The following NKAIN2 variants were observed in gnomAD, a reference collection of about 807,000 sequenced individuals.
NKAIN2 encodes sodium/potassium-transporting ATPase subunit beta-1-interacting protein 2.
In NKAIN2, 14 loss-of-function variants were observed where a neutral mutation model predicts 32.6. The observed-to-expected ratio is 0.43, with a 90% confidence interval of 0.28 to 0.67. The LOEUF is 0.67. Ranked by LOEUF, NKAIN2 falls within the 30% of genes least tolerant of loss-of-function variation. The pLI is 0.17. For synonymous variants in NKAIN2, 80 were observed against 87.2 expected (o/e 0.92, Z 0.46); for missense variants, 198 against 258.3 (o/e 0.77, Z 1.60).
At chr6:124,139,780 A>C (rs553468808) in intron 1 of NKAIN2, among the ~76,000 whole-genome samples, 1 of 152,344 alleles carries the variant, frequency 6.6e-6, no homozygotes, top group South Asian at 2.1e-4. Context: ...AATAGGCTGA[A>C]GAATACAAGC....
intron 1 of NKAIN2, among the ~76,000 whole-genome samples, chr6:124,275,653 C>A (rs1794995791): frequency 6.6e-6 from 1 of 151,960 alleles, no homozygotes; most frequent in South Asian, 2.1e-4. Context: ...CAAGAAAGAC[C>A]CCCTCCAAAT....
chr6:124,738,318 A>G (rs1310079731), intron 4 of NKAIN2, among the ~76,000 whole-genome samples: 1 of 151,422 alleles, frequency 6.6e-6, no homozygotes, highest in Non-Finnish European at 1.5e-5. Context: ...TCCTTAGATA[A>G]TAAAATAAAA....
chr6:124,442,687 G>A (rs1181989977), intron 3 of NKAIN2, among the ~76,000 whole-genome samples: 1 of 152,064 alleles, frequency 6.6e-6, no homozygotes, highest in African/African-American at 2.4e-5. Flanking sequence ...TTCTGACATA[G>A]TGACCTCTAC....
chr6:124,110,051 G>A (rs796117182), intron 1 of NKAIN2, among the ~76,000 whole-genome samples: 2 of 150,820 alleles, frequency 1.3e-5, no homozygotes, highest in Non-Finnish European at 2.9e-5. Flanking sequence ...ATATTGGTGT[G>A]TAGTTTTCTT....
At chr6:124,635,430 C>A (rs974491801) in intron 3 of NKAIN2, among the ~76,000 whole-genome samples, 3 of 151,680 alleles carry the variant, frequency 2.0e-5, no homozygotes, top group Admixed American at 2.0e-4. Flanking sequence ...ACAAAACTAC[C>A]AGAAAACAAT....
intron 3 of NKAIN2, among the ~76,000 whole-genome samples, chr6:124,560,406 CTT>C (rs1459463789): frequency 6.6e-6 from 1 of 152,226 alleles, no homozygotes; most frequent in Non-Finnish European, 1.5e-5. Flanking sequence ...AATTAAAACT[CTT>C]TCCTTTATAA....
chr6:123,872,818 T>G (rs145159134), intron 1 of NKAIN2, among the ~76,000 whole-genome samples: 116 of 152,294 alleles, frequency 7.6e-4, no homozygotes, highest in African/African-American at 2.7e-3. Flanking sequence ...ATTATTAAAA[T>G]TGTCTAAAAG....
At chr6:124,796,537 T>C (rs999218036) in intron 5 of NKAIN2, among the ~76,000 whole-genome samples, 6 of 152,042 alleles carry the variant, frequency 3.9e-5, no homozygotes, top group African/African-American at 1.4e-4. Context: ...CACTGGCCCA[T>C]CAGATGCCTG....
intron 3 of NKAIN2, among the ~76,000 whole-genome samples, chr6:124,646,065 C>T (rs1030300373): frequency 3.9e-5 from 6 of 152,100 alleles, no homozygotes; most frequent in East Asian, 1.9e-4. Context: ...ACAAAATAAA[C>T]ATTCATAAGG....
At chr6:124,344,710 T>C (rs535886346) in intron 2 of NKAIN2, among the ~76,000 whole-genome samples, 2 of 152,316 alleles carry the variant, frequency 1.3e-5, no homozygotes, top group South Asian at 4.1e-4. Context: ...TGAAGTTGCT[T>C]ATGAGCTTAA....
chr6:124,231,053 G>A (rs1202951884), intron 1 of NKAIN2, among the ~76,000 whole-genome samples: 2 of 152,224 alleles, frequency 1.3e-5, no homozygotes, highest in Non-Finnish European at 2.9e-5. Context: ...CTGCAAAACT[G>A]CAGGGGCAGA....
At chr6:124,354,085 C>A (rs1677323116) in intron 2 of NKAIN2, among the ~76,000 whole-genome samples, 1 of 152,166 alleles carries the variant, frequency 6.6e-6, no homozygotes, top group Admixed American at 6.5e-5. Flanking sequence ...ACCCCGCATG[C>A]TTTTAAGTCC....
At chr6:124,254,979 T>C (rs1236143014) in intron 1 of NKAIN2, among the ~76,000 whole-genome samples, 1 of 152,136 alleles carries the variant, frequency 6.6e-6, no homozygotes, top group African/African-American at 2.4e-5. Context: ...TGAACAGAAG[T>C]CTCCTAAAAT....
chr6:124,393,779 T>G (rs565165220), intron 3 of NKAIN2, among the ~76,000 whole-genome samples: 2 of 152,288 alleles, frequency 1.3e-5, no homozygotes, highest in South Asian at 2.1e-4. Context: ...TATACTTGTA[T>G]GACCACAAAA....
chr6:124,389,802 T>A (rs1373201911), intron 3 of NKAIN2, among the ~76,000 whole-genome samples: 1 of 151,752 alleles, frequency 6.6e-6, no homozygotes, highest in Non-Finnish European at 1.5e-5. Context: ...TTTATTGGCA[T>A]GTTAGAAAAG....
intron 3 of NKAIN2, among the ~76,000 whole-genome samples, chr6:124,386,795 A>G (rs1772919127): frequency 1.3e-5 from 2 of 152,132 alleles, no homozygotes; most frequent in African/African-American, 4.8e-5. Flanking sequence ...CATCTTCAAT[A>G]TCATCTCATC....
chr6:124,667,441 A>T (rs138466334), intron 4 of NKAIN2, among the ~76,000 whole-genome samples: 1 of 152,144 alleles, frequency 6.6e-6, no homozygotes, highest in Non-Finnish European at 1.5e-5. Context: ...TTAAATTATA[A>T]GTTATTTCAG....
chr6:124,755,882 T>G (rs1026688420), intron 4 of NKAIN2, among the ~76,000 whole-genome samples: 5 of 152,124 alleles, frequency 3.3e-5, no homozygotes, highest in African/African-American at 9.7e-5. Flanking sequence ...TTTAAAAAAT[T>G]TTTTAAACAT....
At chr6:124,180,274 C>G (rs1162624103) in intron 1 of NKAIN2, among the ~76,000 whole-genome samples, 1 of 152,128 alleles carries the variant, frequency 6.6e-6, no homozygotes, top group Non-Finnish European at 1.5e-5. Context: ...TCCCACATGG[C>G]TGGGAAGACT....
Sources: allele counts gnomAD v4.1 joint callset (sites outside exome capture counted in the v4.1 genomes callset), GRCh38; gene constraint gnomAD v4.1.1; transcripts MANE v1.5; gene names NCBI Gene and HGNC (gene_info 2026-07-23, HGNC 2026-07-21).